The following ABLIM3 variants were observed in gnomAD, a reference collection of about 807,000 sequenced individuals.
ABLIM3 encodes the protein actin binding LIM protein family member 3.
In ABLIM3, 61 loss-of-function variants were observed where a neutral mutation model predicts 109.5. That is an observed-to-expected ratio of 0.56 (90% CI 0.45 to 0.69). ABLIM3 has a LOEUF of 0.69. Ranked by LOEUF, ABLIM3 falls within the 30% of genes least tolerant of loss-of-function variation. ABLIM3 has a pLI of 0.00. For synonymous variants in ABLIM3, 300 were observed against 324.8 expected (o/e 0.92, Z 0.82); for missense variants, 796 against 889.5 (o/e 0.89, Z 1.34).
At position 149,239,863 on chromosome 5, in the gene ABLIM3, C is replaced by T. The variant is rs563108280; in HGVS notation, c.1179C>T (p.Arg393=). 1.9e-6 allele frequency: 3 copies of T among 1,610,304 alleles called. No homozygotes were observed. The African/African-American group carries it at 4.0e-5, about 22-fold the overall frequency. ...AGGGCATGTCCCCCACCTTCTCCCG[C>T]TCACCTCACCACTACTACCGCTCTG... ...SRQGMSPTFS[R]SPHHYYRSGP... The change falls in exon 13 of 24, where the codon CGC becomes CGT. Residue 393 remains arginine, a synonymous_variant. Transcript: ENST00000309868.
chr5:149,200,741 A>G (rs112155822), intron 5 of ABLIM3: 16,694 of 330,190 alleles, frequency 0.051, 596 homozygotes, highest in Middle Eastern at 0.15. Flanking sequence ...AGGGCTGATC[A>G]AGTGTTTTTT....
At chr5:149,150,441 T>C (rs1374542416) in intron 2 of ABLIM3, among the ~76,000 whole-genome samples, 1 of 152,154 alleles carries the variant, frequency 6.6e-6, no homozygotes, top group African/African-American at 2.4e-5. Context: ...TGACAGATGA[T>C]TACCTGAGGC....
Position 149,141,642 on chromosome 5 carries a change from C to T in ABLIM3, c.-100C>T, listed in dbSNP as rs1752464884. 1 of 170,320 alleles carries T rather than the reference C, an allele frequency of 5.9e-6. No individual in the cohort carries two copies. The highest frequency in any genetic ancestry group is 2.4e-5 in the African/African-American group (1 of 41,882). 10.6% of individuals were successfully genotyped at this position (170,320 alleles called of 1,614,324 possible). On this transcript the variant is annotated 5_prime_UTR_variant, in exon 1 of 24. Coordinates refer to ENST00000309868, the MANE Select transcript of ABLIM3 (RefSeq NM_014945.5). ...CGGGGCAGGGGCCTCTGGCTCCCGA[C>T]ACTGGCCGAGAGGTGGGTTCCGGGG...
At chr5:149,207,196 T>C (rs1759077075) in intron 6 of ABLIM3, 62 bp downstream of exon 6, 4 of 1,577,118 alleles carry the variant, frequency 2.5e-6, no homozygotes, top group Non-Finnish European at 2.6e-6. Context: ...GCCTGCCCCA[T>C]TGAGCCCATG....
intron 3 of ABLIM3, among the ~76,000 whole-genome samples, chr5:149,185,106 G>A (rs1756831853): frequency 6.6e-6 from 1 of 152,178 alleles, no homozygotes; most frequent in Non-Finnish European, 1.5e-5. Context: ...ATTCTTAAGA[G>A]AATGTATCAG....
At chr5:149,182,875 C>T (rs1464462140) in intron 2 of ABLIM3, among the ~76,000 whole-genome samples, 1 of 152,150 alleles carries the variant, frequency 6.6e-6, no homozygotes, top group Non-Finnish European at 1.5e-5. Context: ...GATAAGTTCC[C>T]TTGTTAGCCT....
chr5:149,184,871 C>T (rs1426806141), intron 3 of ABLIM3, among the ~76,000 whole-genome samples: 1 of 152,194 alleles, frequency 6.6e-6, no homozygotes, highest in East Asian at 1.9e-4. Flanking sequence ...AAACAAATTA[C>T]ATATACATAT....
chr5:149,144,436 G>A (rs993544175), intron 2 of ABLIM3, among the ~76,000 whole-genome samples: 4 of 152,210 alleles, frequency 2.6e-5, no homozygotes, highest in African/African-American at 9.7e-5. Flanking sequence ...TTGGCAGGAG[G>A]TCCTTGGGTC....
chr5:149,205,997 C>G (rs1326541236), intron 5 of ABLIM3, among the ~76,000 whole-genome samples: 2 of 152,220 alleles, frequency 1.3e-5, no homozygotes, highest in African/African-American at 4.8e-5. Flanking sequence ...CTGCTCTCCT[C>G]ACTACTCCCA....
In ABLIM3 at chr5:149,234,648, G is replaced by C. The variant is rs1427533031; in HGVS notation, c.888+1348G>C. On this transcript the variant is annotated intron_variant, in intron 10 of 23. Transcript: ENST00000309868. ...ACCATGTGGCTGTCAAAAAAGACAAGCTGCTTTGATCACAGGCTGTACTCA... is the reference window on the plus strand; with the variant it reads ...ACCATGTGGCTGTCAAAAAAGACAACCTGCTTTGATCACAGGCTGTACTCA... 2.0e-5 allele frequency among the ~76,000 whole-genome samples: 3 copies of C among 152,216 alleles called. No individual in the cohort carries two copies. In the East Asian group the frequency reaches 5.8e-4, roughly 29 times the overall value.
At chr5:149,252,165 T>C in intron 21 of ABLIM3, 36 bp from the exon 22 acceptor site, 1 of 1,613,284 alleles carries the variant, frequency 6.2e-7, no homozygotes, top group Non-Finnish European at 8.5e-7. Flanking sequence ...ACTGATGGGC[T>C]CCATTCTGTG....
rs559395344 is a variant in ABLIM3, at chr5:149,242,528, C to T, written c.1341C>T (p.Tyr447=). 5 of 1,614,152 alleles carry T rather than the reference C, an allele frequency of 3.1e-6. No individual in the cohort carries two copies. The African/African-American group carries it at 4.0e-5, about 13-fold the overall frequency. Residue 447 remains tyrosine (Y), a synonymous_variant, in exon 15 of 24, where the codon TAC becomes TAT. Transcript: ENST00000309868. ...DSNIYRKPPI[Y]KRHGDLSTAT... is the part of the protein sequence containing the mutation. ...ACATCTACCGGAAACCCCCGATCTA[C>T]AAACGGCATGGTATGGTCAGAGGTA...
intron 9 of ABLIM3, 131 bp downstream of exon 9, chr5:149,230,838 T>C (rs887033867): frequency 1.9e-6 from 2 of 1,073,540 alleles, no homozygotes; most frequent in African/African-American, 1.6e-5. Flanking sequence ...GCCTATGTCC[T>C]TGGATTTTCC....
chr5:149,237,680 C>G (rs1477726605), intron 11 of ABLIM3, 77 bp downstream of exon 11: 4 of 1,574,358 alleles, frequency 2.5e-6, no homozygotes, highest in Non-Finnish European at 3.4e-6. Flanking sequence ...CTCTCCATCA[C>G]AGACAGTTTG....
intron 14 of ABLIM3, among the ~76,000 whole-genome samples, chr5:149,241,218 T>G (rs1752809320): frequency 6.6e-6 from 1 of 152,272 alleles, no homozygotes; most frequent in South Asian, 2.1e-4. Context: ...AGCACTGTTC[T>G]GGGCTCAGAG....
At chr5:149,181,330 G>A (rs374217636) in intron 2 of ABLIM3, among the ~76,000 whole-genome samples, 2 of 150,010 alleles carry the variant, frequency 1.3e-5, no homozygotes, top group East Asian at 3.9e-4. Context: ...GCTGTAGGGG[G>A]GATGTGATGG....
intron 17 of ABLIM3, 55 bp downstream of exon 17, chr5:149,246,601 T>G: frequency 6.4e-7 from 1 of 1,551,096 alleles, no homozygotes; most frequent in Non-Finnish European, 8.8e-7. Flanking sequence ...TCACTGAGGG[T>G]CTTTTCATTT....
intron 7 of ABLIM3, among the ~76,000 whole-genome samples, chr5:149,211,494 A>G (rs1759548910): frequency 1.3e-5 from 2 of 152,232 alleles, no homozygotes; most frequent in Admixed American, 6.5e-5. Context: ...GAAAGGAAAA[A>G]TAATAGCCTA....
chr5:149,248,396 A>G (rs778148120), intron 18 of ABLIM3, among the ~76,000 whole-genome samples: 2 of 152,154 alleles, frequency 1.3e-5, no homozygotes, highest in Non-Finnish European at 1.5e-5. Flanking sequence ...ATTCAGTATA[A>G]AGAAAAATGG....
Sources: gnomAD v4.1 joint callset for allele counts (sites outside exome capture counted in the v4.1 genomes callset) on GRCh38, gnomAD v4.1.1 for gene constraint, MANE v1.5 for transcripts, NCBI Gene and HGNC (gene_info 2026-07-23, HGNC 2026-07-21) for gene names.